Variants in EYA1 observed in about 807,000 individuals in gnomAD.
The protein encoded by EYA1 is protein phosphatase EYA1.
Under a neutral mutation model 82.0 loss-of-function variants are expected in EYA1, and 16 were observed. That is an observed-to-expected ratio of 0.20 (90% confidence interval 0.13 to 0.30). EYA1 has a LOEUF of 0.30. Among genes scored for constraint, EYA1 ranks in the 10% least tolerant of loss-of-function variants. The pLI is 1.00. For missense variants in EYA1, 633 were observed against 730.7 expected (o/e 0.87, Z 1.54); for synonymous variants, 261 against 264.4 (o/e 0.99, Z 0.12).
chr8:71,206,150 A>G (rs901462946), intron 17 of EYA1, among the ~76,000 whole-genome samples: 1 of 152,198 alleles, frequency 6.6e-6, no homozygotes, highest in African/African-American at 2.4e-5. Flanking sequence ...TAATTTTTTG[A>G]AAAACCATGT....
chr8:71,510,370 A>G (rs937912418), intron 2 of EYA1, among the ~76,000 whole-genome samples: 16 of 152,098 alleles, frequency 1.1e-4, no homozygotes, highest in Non-Finnish European at 2.1e-4. Flanking sequence ...TGAGATTTTG[A>G]GTTTTTTATG....
intron 2 of EYA1, among the ~76,000 whole-genome samples, chr8:71,510,979 G>A (rs935223998): frequency 4.6e-5 from 7 of 151,858 alleles, no homozygotes; most frequent in Non-Finnish European, 1.0e-4. Flanking sequence ...TCCTCTCTGA[G>A]GTCTTTGCAA....
chr8:71,369,961 G>A (rs181976468), intron 2 of EYA1, among the ~76,000 whole-genome samples: 6 of 151,820 alleles, frequency 4.0e-5, no homozygotes, highest in African/African-American at 1.2e-4. Flanking sequence ...AACTGTGCTA[G>A]GAATTTGCCA....
intron 2 of EYA1, among the ~76,000 whole-genome samples, chr8:71,448,659 G>T (rs1807100257): frequency 6.6e-6 from 1 of 152,202 alleles, no homozygotes; most frequent in South Asian, 2.1e-4. Flanking sequence ...TGCATCAGAG[G>T]AATCATTATC....
At chr8:71,538,850 T>C (rs1434427919) in intron 1 of EYA1, among the ~76,000 whole-genome samples, 1 of 152,076 alleles carries the variant, frequency 6.6e-6, no homozygotes, top group Non-Finnish European at 1.5e-5. Flanking sequence ...GTGTCAGAGG[T>C]GTCCCTACAG....
intron 2 of EYA1, among the ~76,000 whole-genome samples, chr8:71,515,778 T>C (rs779138825): frequency 4.6e-5 from 7 of 152,174 alleles, no homozygotes; most frequent in Non-Finnish European, 7.4e-5. Context: ...ATCAAAACTA[T>C]AACTGTATAT....
At chr8:71,444,101 C>A (rs1806655756) in intron 2 of EYA1, among the ~76,000 whole-genome samples, 1 of 152,186 alleles carries the variant, frequency 6.6e-6, no homozygotes, top group Admixed American at 6.5e-5. Context: ...AAGTATAAAT[C>A]ATATTTGTGT....
intron 4 of EYA1, among the ~76,000 whole-genome samples, chr8:71,327,923 T>G (rs2129039806): frequency 6.8e-6 from 1 of 147,674 alleles, no homozygotes; most frequent in Middle Eastern, 3.5e-3. Context: ...ATGGTGCATC[T>G]CAGCTCACTG....
intron 2 of EYA1, among the ~76,000 whole-genome samples, chr8:71,385,870 G>A (rs921071929): frequency 6.6e-6 from 1 of 151,972 alleles, no homozygotes; most frequent in Non-Finnish European, 1.5e-5. Flanking sequence ...ATATTCATAG[G>A]GAAACACCTA....
At chr8:71,499,702 G>T (rs60137382) in intron 2 of EYA1, among the ~76,000 whole-genome samples, 1 of 152,194 alleles carries the variant, frequency 6.6e-6, no homozygotes, top group African/African-American at 2.4e-5. Flanking sequence ...TATGAATAGA[G>T]AATCTAACTC....
chr8:71,251,297 A>G (rs1319214068), intron 11 of EYA1, among the ~76,000 whole-genome samples: 5 of 152,174 alleles, frequency 3.3e-5, no homozygotes, highest in Admixed American at 6.5e-5. Context: ...TGTTTTATCA[A>G]TTTTCTTGTT....
chr8:71,398,421 T>G (rs1829758367), intron 2 of EYA1, among the ~76,000 whole-genome samples: 1 of 152,168 alleles, frequency 6.6e-6, no homozygotes, highest in Non-Finnish European at 1.5e-5. Flanking sequence ...CTTCCCACCT[T>G]TGTGGTTTTA....
At chr8:71,217,937 G>A (rs1488804283) in intron 12 of EYA1, among the ~76,000 whole-genome samples, 1 of 152,116 alleles carries the variant, frequency 6.6e-6, no homozygotes, top group African/African-American at 2.4e-5. Context: ...CAGATGAATT[G>A]TGGGAAGAAC....
At chr8:71,512,924 A>G (rs1051822067) in intron 2 of EYA1, among the ~76,000 whole-genome samples, 2 of 152,310 alleles carry the variant, frequency 1.3e-5, no homozygotes, top group Non-Finnish European at 1.5e-5. Context: ...GAACAAAGAA[A>G]GATCATGGGA....
At chr8:71,288,208 G>T (rs4738123) in intron 9 of EYA1, among the ~76,000 whole-genome samples, 17,260 of 152,230 alleles carry the variant, frequency 0.11, 1,378 homozygotes, top group East Asian at 0.43. Flanking sequence ...AATTCTCAAT[G>T]AGTACTGTCA....
intron 2 of EYA1, among the ~76,000 whole-genome samples, chr8:71,507,116 A>C (rs1327399082): frequency 6.6e-6 from 1 of 152,222 alleles, no homozygotes; most frequent in East Asian, 1.9e-4. Context: ...GCCAGGCACT[A>C]GTCTAGCTCT....
At chr8:71,346,465 T>TATATATATATA (rs3066858) in intron 3 of EYA1, among the ~76,000 whole-genome samples, 1 of 146,522 alleles carries the variant, frequency 6.8e-6, no homozygotes, top group South Asian at 2.1e-4. Context: ...TCTATATATA[T>TATATATATATA]CCTTCTCCCT....
intron 12 of EYA1, among the ~76,000 whole-genome samples, chr8:71,220,060 G>A (rs1809702294): frequency 6.6e-6 from 1 of 152,152 alleles, no homozygotes; most frequent in Non-Finnish European, 1.5e-5. Flanking sequence ...ACCAACAGCA[G>A]CAACCTGGTT....
intron 2 of EYA1, among the ~76,000 whole-genome samples, chr8:71,371,324 C>G (rs1828068860): frequency 6.6e-6 from 1 of 152,186 alleles, no homozygotes; most frequent in South Asian, 2.1e-4. Context: ...TGCCCCTGCT[C>G]TCTTCCTCCA....
Sources: allele counts gnomAD v4.1 joint callset (sites outside exome capture counted in the v4.1 genomes callset), GRCh38; gene constraint gnomAD v4.1.1; transcripts MANE v1.5; gene names NCBI Gene and HGNC (gene_info 2026-07-23, HGNC 2026-07-21).